Variants in OGDH observed in about 807,000 individuals in gnomAD.
OGDH encodes the protein oxoglutarate dehydrogenase, also known as 2-oxoglutarate dehydrogenase complex component E1.
OGDH carries 38 observed loss-of-function variants against 116.6 expected under a neutral mutation model. That is an observed-to-expected ratio of 0.33 (90% confidence interval 0.25 to 0.43). The LOEUF (loss-of-function observed/expected upper bound fraction) is 0.43, where lower values mean the gene tolerates loss of function less well. Ranked by LOEUF, OGDH falls within the 20% of genes least tolerant of loss-of-function variation. The probability of loss-of-function intolerance (pLI) is 1.00; values close to 1 mark genes in which losing one functional copy is unlikely to be tolerated. For synonymous variants in OGDH, 488 were observed against 533.3 expected, an observed-to-expected ratio of 0.92 and a Z score of 1.17; for missense variants, 825 against 1,357.2, an observed-to-expected ratio of 0.61 and a Z score of 6.16.
At chr7:44,615,620 G>T (rs1336453550) in intron 1 of OGDH, among the ~76,000 whole-genome samples, 1 of 152,098 alleles carries the variant, frequency 6.6e-6, no homozygotes, top group Non-Finnish European at 1.5e-5. Context: ...TCTTTTCCTG[G>T]TCCTTTGGCT....
At chr7:44,672,620 G>A (rs953840487) in intron 5 of OGDH, among the ~76,000 whole-genome samples, 11 of 151,436 alleles carry the variant, frequency 7.3e-5, no homozygotes, top group Non-Finnish European at 1.0e-4. Flanking sequence ...AGGGCAGCCC[G>A]AGAGGGATTT....
chr7:44,678,087 A>G (rs1276035522), intron 9 of OGDH, among the ~76,000 whole-genome samples: 1 of 152,094 alleles, frequency 6.6e-6, no homozygotes, highest in Non-Finnish European at 1.5e-5. Flanking sequence ...CGCAGAGGTC[A>G]TTCCATGGCT....
At chr7:44,651,791 C>T (rs1382524842) in intron 4 of OGDH, among the ~76,000 whole-genome samples, 3 of 152,006 alleles carry the variant, frequency 2.0e-5, no homozygotes, top group Non-Finnish European at 4.4e-5. Flanking sequence ...GTACGCCTGA[C>T]CTCAGGTGAT....
At chr7:44,656,339 G>A (rs1786689195) in intron 4 of OGDH, 11 of 1,535,898 alleles carry the variant, frequency 7.2e-6, no homozygotes, top group Non-Finnish European at 8.7e-6. Context: ...TTCAAGGAAC[G>A]ACTTCGAATG....
intron 10 of OGDH, among the ~76,000 whole-genome samples, chr7:44,693,233 G>A (rs966262523): frequency 6.6e-6 from 1 of 152,036 alleles, no homozygotes; most frequent in Non-Finnish European, 1.5e-5. Flanking sequence ...GCTTGAACCC[G>A]GGAGGTGGAA....
At position 44,707,154 on chromosome 7, in the gene OGDH, GC is replaced by G; in HGVS notation, c.2633-68del. On this transcript the variant is annotated intron_variant, in intron 20 of 22. Coordinates refer to ENST00000222673, the MANE Select transcript of OGDH (RefSeq NM_002541.4). The surrounding 1 kb of genome is among the most constrained non-coding windows in gnomAD (Gnocchi z 5.2). The stretch of plus-strand genomic sequence containing the variant: ...TCTCCTGGCAGCAGTCCCTGGCACA[GC>G]CCTGGGCCCAGGAGAGCTCTCAGCC... 1 of 1,540,736 alleles carries G rather than the reference GC, an allele frequency of 6.5e-7. No homozygotes were observed. Among genetic ancestry groups the G allele is most frequent in the Admixed American group, 1.8e-5 (1 of 56,270 alleles).
intron 3 of OGDH, among the ~76,000 whole-genome samples, chr7:44,646,209 C>T (rs1413807502): frequency 6.6e-6 from 1 of 152,342 alleles, no homozygotes; most frequent in East Asian, 1.9e-4. Context: ...CTAAGGACGA[C>T]AGGTAGAGAC....
At chr7:44,608,918 C>T (rs1225963235) in intron 1 of OGDH, among the ~76,000 whole-genome samples, 7 of 152,128 alleles carry the variant, frequency 4.6e-5, no homozygotes, top group Non-Finnish European at 1.0e-4. Flanking sequence ...ACTTCTCTAA[C>T]ATTGTGCAAA....
rs556073042 is a variant in OGDH, at chr7:44,668,831, G to T, written c.633+1980G>T. 7.9e-5 allele frequency among the ~76,000 whole-genome samples: 12 copies of T among 152,152 alleles called. No homozygotes were observed. The South Asian group carries it at 2.3e-3, about 29-fold the overall frequency. The stretch of plus-strand genomic sequence containing the variant: ...TGAAAAGATAATGTTTGATACATCG[G>T]GTCAAATAAAATAGGAAAATTTCAT... On this transcript the variant is annotated intron_variant, in intron 5 of 22. Transcript: ENST00000222673.
At chr7:44,678,039 C>A (rs559399516) in intron 9 of OGDH, among the ~76,000 whole-genome samples, 1 of 152,222 alleles carries the variant, frequency 6.6e-6, no homozygotes, top group African/African-American at 2.4e-5. Context: ...CCGCATCGAT[C>A]AATGCTCACT....
At position 44,653,743 on chromosome 7, in the gene OGDH, C is replaced by G. The variant is rs113911849; in HGVS notation, c.517+5984C>G. Among the ~76,000 whole-genome samples, 116 of 152,280 alleles carry G rather than the reference C, an allele frequency of 7.6e-4. 2 individuals are homozygous for G. The highest frequency in any genetic ancestry group is 2.6e-3 in the African/African-American group (109 of 41,566). ...GTTTTACCATGTTGGCCAGGCTGGT[C>G]TCGAACTCCTGACCTCATGTAATCC... On this transcript the variant is annotated intron_variant, in intron 4 of 22. Coordinates refer to ENST00000222673, the MANE Select transcript of OGDH (RefSeq NM_002541.4).
rs753807034 is a variant in OGDH at position 44,698,146 on chromosome 7, C to T, written c.2359-46C>T. On this transcript the variant is annotated intron_variant, in intron 17 of 22. Transcript: ENST00000222673. ...GAGGAACAGCAGATGCGGCAAATGT[C>T]AGTACGCAAGAGCTCTTAAACTGTA... is the stretch of plus-strand genomic sequence containing the variant. The T allele has an allele frequency of 2.8e-5, 45 of 1,598,494 alleles. 1 individual carries two copies. The highest frequency in any genetic ancestry group is 3.7e-5 in the Non-Finnish European group (43 of 1,166,068).
intron 2 of OGDH, among the ~76,000 whole-genome samples, chr7:44,644,381 T>C (rs541004952): frequency 7.2e-5 from 11 of 152,358 alleles, no homozygotes; most frequent in African/African-American, 2.6e-4. Flanking sequence ...AATTCAGACA[T>C]GGAATAGCCA....
intron 4 of OGDH, among the ~76,000 whole-genome samples, chr7:44,649,302 TGCA>T (rs1786333254): frequency 7.4e-6 from 1 of 134,308 alleles, no homozygotes; most frequent in African/African-American, 2.9e-5. Flanking sequence ...CAGGCTGGAG[TGCA>T]GCAGCATAAT....
At chr7:44,671,405 C>T (rs1377180015) in intron 5 of OGDH, among the ~76,000 whole-genome samples, 2 of 152,172 alleles carry the variant, frequency 1.3e-5, no homozygotes, top group Non-Finnish European at 2.9e-5. Flanking sequence ...CCATGTGGCC[C>T]CACTTCCAAC....
At chr7:44,660,794 C>T (rs1252338553) in intron 4 of OGDH, among the ~76,000 whole-genome samples, 2 of 152,082 alleles carry the variant, frequency 1.3e-5, no homozygotes, top group Admixed American at 6.5e-5. Context: ...CAAGCATGAT[C>T]GCGCGTGCCT....
chr7:44,670,469 G>T (rs1232137460), intron 5 of OGDH, among the ~76,000 whole-genome samples: 4 of 152,104 alleles, frequency 2.6e-5, no homozygotes, highest in African/African-American at 4.8e-5. Context: ...CTCTTTGAAG[G>T]TTCTCATTAA....
chr7:44,647,239 T>A (rs1786225560), intron 3 of OGDH, among the ~76,000 whole-genome samples: 1 of 152,276 alleles, frequency 6.6e-6, no homozygotes, highest in Admixed American at 6.5e-5. Flanking sequence ...TAACCTGAGT[T>A]TATCTCTTTT....
intron 1 of OGDH, among the ~76,000 whole-genome samples, chr7:44,616,613 A>G (rs1438313397): frequency 7.1e-6 from 1 of 140,128 alleles, no homozygotes; most frequent in Non-Finnish European, 1.5e-5. Flanking sequence ...CTACATATAT[A>G]TATGTATATA....
Sources: allele counts gnomAD v4.1 joint callset (sites outside exome capture counted in the v4.1 genomes callset), GRCh38; gene constraint gnomAD v4.1.1; non-coding constraint Gnocchi (gnomAD v3.1); transcripts MANE v1.5; gene names NCBI Gene and HGNC (gene_info 2026-07-23, HGNC 2026-07-21).